CKLF: variants seen among roughly 807,000 people sequenced by gnomAD.
CKLF encodes chemokine-like factor.
CKLF carries 16 observed loss-of-function variants against 12.9 expected under a neutral mutation model. The observed-to-expected ratio is 1.24, with a 90% CI of 0.84 to 1.88. The LOEUF (loss-of-function observed/expected upper bound fraction) is 1.88. Among genes scored for constraint, CKLF ranks in the 40% most tolerant of loss-of-function variants. The pLI is 0.00. For synonymous variants in CKLF, 61 were observed against 69.0 expected, an observed-to-expected ratio of 0.88 and a Z score of 0.57; for missense variants, 172 against 188.5, an observed-to-expected ratio of 0.91 and a Z score of 0.51.
At chr16:66,565,582 C>A in intron 3 of CKLF, 1 of 340,400 alleles carries the variant, frequency 2.9e-6, no homozygotes, top group Admixed American at 4.4e-5. Flanking sequence ...TAAAAGAATA[C>A]ATGCAAGAGC....
intron 2 of CKLF, 141 bp downstream of exon 2, chr16:66,558,489 T>C: frequency 4.1e-6 from 5 of 1,216,322 alleles, no homozygotes; most frequent in Non-Finnish European, 4.5e-6. Context: ...CCATTGCTAA[T>C]GTGCCCTGTA....
rs1310276377 is a variant in CKLF at position 66,557,042 on chromosome 16, A to T, written c.79-1148A>T. Among the ~76,000 whole-genome samples, 3 of 152,114 alleles carry T rather than the reference A, an allele frequency of 2.0e-5. No homozygotes were observed. In the South Asian group the frequency reaches 6.2e-4, roughly 32 times the overall value. On this transcript the variant is annotated intron_variant, in intron 1 of 3. Coordinates refer to ENST00000264001, the MANE Select transcript of CKLF (RefSeq NM_016951.4). Reference sequence around the variant, plus strand: ...TCATTTGGAAATGAAGAAATTTCAGAGTTTTTTATGTTTTTTTTTCCACTT... The same window carrying T: ...TCATTTGGAAATGAAGAAATTTCAGTGTTTTTTATGTTTTTTTTTCCACTT...
intron 2 of CKLF, among the ~76,000 whole-genome samples, chr16:66,560,393 C>T (rs763700572): frequency 2.6e-5 from 4 of 152,006 alleles, no homozygotes; most frequent in Non-Finnish European, 4.4e-5. Context: ...GTAGCATGAT[C>T]AGATGATCAG....
At chr16:66,563,474 G>A (rs1181206467) in intron 3 of CKLF, among the ~76,000 whole-genome samples, 3 of 152,144 alleles carry the variant, frequency 2.0e-5, no homozygotes, top group Non-Finnish European at 4.4e-5. Context: ...CGTAGGGCTA[G>A]ACTAGACTGA....
At chr16:66,558,503 C>T (rs2011538495) in intron 2 of CKLF, 155 bp downstream of exon 2, 1 of 1,068,816 alleles carries the variant, frequency 9.4e-7, no homozygotes, top group African/African-American at 1.6e-5. Context: ...CCCTGTATTG[C>T]TTTGGGAGAG....
In CKLF at chr16:66,558,227, C is replaced by T; in HGVS notation, c.116C>T (p.Ala39Val). 1.9e-6 allele frequency: 3 copies of T among 1,612,714 alleles called. No individual in the cohort carries two copies. The highest frequency in any genetic ancestry group is 1.7e-6 in the Non-Finnish European group (2 of 1,179,726). The change falls in exon 2 of 4, where the codon GCA (alanine) becomes GTA (valine). Residue 39 changes from alanine to valine, a missense_variant. Transcript: ENST00000264001. Reference protein sequence around the residue: ...TVTSMTFFIIAQAPEPYIVIT... With the variant: ...TVTSMTFFIIVQAPEPYIVIT... ...ACATCTATGACCTTTTTTATCATCG[C>T]ACAAGCCCCTGAACCATATATTGTT... is the stretch of plus-strand genomic sequence containing the variant.
chr16:66,553,217 T>C lies in CKLF; in HGVS notation c.78+424T>C, dbSNP rs569282776. Among the ~76,000 whole-genome samples the C allele has an allele frequency of 9.3e-4, 141 of 151,230 alleles. 1 individual carries two copies. The highest frequency in any genetic ancestry group is 4.1e-4 in the Non-Finnish European group (28 of 67,862). Reference sequence around the variant, plus strand: ...AAATTAAAAATCAGATCTACCCAAATGGTCTACATTTGGACCCACAAACCG... The same window carrying C: ...AAATTAAAAATCAGATCTACCCAAACGGTCTACATTTGGACCCACAAACCG... On this transcript the variant is annotated intron_variant, in intron 1 of 3. Coordinates refer to ENST00000264001, the MANE Select transcript of CKLF (RefSeq NM_016951.4).
rs1318406444 is a variant in CKLF at position 66,552,582 on chromosome 16, A to ATGCCG, written c.-134_-133insTGCCG. On this transcript the variant is annotated 5_prime_UTR_variant, in exon 1 of 4. The change creates a new upstream start codon in the 5' untranslated region. Transcript: ENST00000264001. Reference sequence around the variant, plus strand: ...GTGCGCATGCGCGCAAGAGAGCGGGAAGCCGAGCTGGGCGAGAAGTAGGGG... The same window carrying ATGCCG: ...GTGCGCATGCGCGCAAGAGAGCGGGATGCCGAGCCGAGCTGGGCGAGAAGTAGGGG... The ATGCCG allele has an allele frequency of 2.1e-6, 3 of 1,416,270 alleles. No homozygotes were observed. In the African/African-American group the frequency reaches 4.3e-5, roughly 20 times the overall value. 87.7% of individuals were successfully genotyped at this position (1,416,270 alleles called of 1,614,324 possible). A position where few individuals can be genotyped will look rare whatever the true frequency, so the allele number is the denominator to read the frequency against.
intron 2 of CKLF, among the ~76,000 whole-genome samples, chr16:66,558,996 T>G (rs565367646): frequency 3.9e-5 from 6 of 152,308 alleles, no homozygotes; most frequent in African/African-American, 1.4e-4. Context: ...ATGCAGCCCC[T>G]CAGCCTGGAC....
intron 3 of CKLF, chr16:66,565,569 G>A: frequency 3.2e-6 from 1 of 315,118 alleles, no homozygotes; most frequent in Non-Finnish European, 5.9e-6. Context: ...CCTCAGTAGG[G>A]CTTAAAAGAA....
At chr16:66,555,563 TAAAGC>T (rs1272723827) in intron 1 of CKLF, among the ~76,000 whole-genome samples, 1 of 152,142 alleles carries the variant, frequency 6.6e-6, no homozygotes, top group Non-Finnish European at 1.5e-5. Flanking sequence ...AGCCTATTGA[TAAAGC>T]AAATGTGAAA....
At chr16:66,560,244 G>C (rs981998277) in intron 2 of CKLF, among the ~76,000 whole-genome samples, 1 of 152,214 alleles carries the variant, frequency 6.6e-6, no homozygotes, top group African/African-American at 2.4e-5. Flanking sequence ...GTATCTGAAT[G>C]GTTGGGTATT....
intron 1 of CKLF, among the ~76,000 whole-genome samples, chr16:66,554,544 G>A (rs970521279): frequency 5.9e-5 from 9 of 152,214 alleles, no homozygotes; most frequent in African/African-American, 1.9e-4. Context: ...CCCTGCCCTC[G>A]TGGAGTACAC....
intron 3 of CKLF, among the ~76,000 whole-genome samples, chr16:66,564,934 C>T (rs537851176): frequency 6.1e-4 from 93 of 152,138 alleles, no homozygotes; most frequent in African/African-American, 2.2e-3. Flanking sequence ...AAGTGGAAAC[C>T]GCTGTATATA....
chr16:66,557,406 G>A (rs1354809123), intron 1 of CKLF, among the ~76,000 whole-genome samples: 1 of 152,170 alleles, frequency 6.6e-6, no homozygotes, highest in Non-Finnish European at 1.5e-5. Context: ...GACCTCAGGC[G>A]ATCTGCCTGC....
chr16:66,557,764 G>A (rs1173856887), intron 1 of CKLF, among the ~76,000 whole-genome samples: 1 of 152,220 alleles, frequency 6.6e-6, no homozygotes, highest in Non-Finnish European at 1.5e-5. Flanking sequence ...CAGATTGAAA[G>A]TACAAGGGGG....
Position 66,566,050 on chromosome 16 carries a change from A to G in CKLF, c.*39A>G. On this transcript the variant is annotated 3_prime_UTR_variant, in exon 4 of 4. Coordinates refer to ENST00000264001, the MANE Select transcript of CKLF (RefSeq NM_016951.4). This position sits in a 1 kb window ranked among gnomAD's most constrained non-coding sequence, Gnocchi z 4.9. ...TTTAGTTTGATACTAAGTATTAAAC[A>G]TATTTCTGTATTCTTCCACATATTT... 5.6e-6 allele frequency: 9 copies of G among 1,608,496 alleles called. No individual in the cohort carries two copies. Among genetic ancestry groups the G allele is most frequent in the South Asian group, 2.2e-5 (2 of 90,842 alleles).
At position 66,565,594 on chromosome 16, in the gene CKLF, G is replaced by A. The variant is rs1306945223; in HGVS notation, c.334-292G>A. The A allele has an allele frequency of 1.7e-5, 7 of 402,568 alleles. No individual in the cohort carries two copies. In the East Asian group the frequency reaches 3.4e-4, roughly 19 times the overall value. The allele number at this position is 402,568 out of a possible 1,614,324, so 24.9% of individuals were successfully genotyped here. On this transcript the variant is annotated intron_variant, in intron 3 of 3. Coordinates refer to ENST00000264001, the MANE Select transcript of CKLF (RefSeq NM_016951.4). Reference sequence around the variant, plus strand: ...GCTTAAAAGAATACATGCAAGAGCAGGTCAAGAGATAAAAGCAAACAAGTA... The same window carrying A: ...GCTTAAAAGAATACATGCAAGAGCAAGTCAAGAGATAAAAGCAAACAAGTA...
chr16:66,565,241 T>A (rs573767430), intron 3 of CKLF, among the ~76,000 whole-genome samples: 2 of 152,296 alleles, frequency 1.3e-5, no homozygotes, highest in African/African-American at 4.8e-5. Context: ...ATGCAAGGAA[T>A]GACATCCCCC....
Sources: allele counts gnomAD v4.1 joint callset (sites outside exome capture counted in the v4.1 genomes callset), GRCh38; gene constraint gnomAD v4.1.1; non-coding constraint Gnocchi (gnomAD v3.1); transcripts MANE v1.5; gene names NCBI Gene and HGNC (gene_info 2026-07-23, HGNC 2026-07-21).